The following GLT6D1 variants were observed in gnomAD, a reference collection of about 807,000 sequenced individuals.
The protein encoded by GLT6D1 is putative glycosyltransferase 6 domain-containing protein 1.
Under a neutral mutation model 12.3 loss-of-function variants are expected in GLT6D1, and 9 were observed. The ratio of observed to expected loss-of-function variants is 0.73; its 90% confidence interval spans 0.44 to 1.27. GLT6D1 has a LOEUF of 1.27. Among genes scored for constraint, GLT6D1 ranks in the 50% most tolerant of loss-of-function variants. The pLI is 0.00. For missense variants in GLT6D1, 335 were observed against 346.2 expected, an observed-to-expected ratio of 0.97 and a Z score of 0.26; for synonymous variants, 128 against 132.3, an observed-to-expected ratio of 0.97 and a Z score of 0.23.
intron 2 of GLT6D1, among the ~76,000 whole-genome samples, chr9:135,636,097 G>A (rs1030127111): frequency 6.6e-6 from 1 of 152,136 alleles, no homozygotes; most frequent in South Asian, 2.1e-4. Context: ...GCTCACACCT[G>A]TAATCCCAGA....
chr9:135,636,966 C>T (rs1040042515), intron 2 of GLT6D1, among the ~76,000 whole-genome samples: 1 of 152,094 alleles, frequency 6.6e-6, no homozygotes, highest in Non-Finnish European at 1.5e-5. Flanking sequence ...GATTCATCTG[C>T]CTCAGCCTCC....
intron 2 of GLT6D1, among the ~76,000 whole-genome samples, chr9:135,632,728 C>T (rs899264283): frequency 3.3e-5 from 5 of 149,900 alleles, no homozygotes; most frequent in Admixed American, 1.3e-4. Flanking sequence ...AGTGCAGTGG[C>T]GCAATCTCAG....
At chr9:135,632,210 G>A (rs2119142925) in intron 2 of GLT6D1, among the ~76,000 whole-genome samples, 1 of 149,022 alleles carries the variant, frequency 6.7e-6, no homozygotes, top group Admixed American at 6.7e-5. Context: ...ACAATTCACT[G>A]CAGTCTCAAC....
At position 135,623,795 on chromosome 9, in the gene GLT6D1, A is replaced by G; in HGVS notation, c.*302T>C. 1 of 263,650 alleles carries G rather than the reference A, an allele frequency of 3.8e-6. No individual in the cohort carries two copies. Among genetic ancestry groups the G allele is most frequent in the Non-Finnish European group, 7.2e-6 (1 of 139,428 alleles). The allele number at this position is 263,650 out of a possible 1,614,324, so 16.3% of individuals were successfully genotyped here. The stretch of plus-strand genomic sequence containing the variant: ...TTGTCTACAATACATAGATAATAAC[A>G]TTACTGTGTATTAACATTAAGTAAT... On this transcript the variant is annotated 3_prime_UTR_variant, in exon 5 of 5. Transcript: ENST00000371763.
Position 135,624,247 on chromosome 9 carries a change from A to G in GLT6D1, c.681T>C (p.Tyr227=), listed in dbSNP as rs747558905. Reference sequence around the variant, plus strand: ...GTGTGCCACCAACCATCAAGTTGCCATAATAGAAATCTCCCTGTCCAAACG... The same window carrying G: ...GTGTGCCACCAACCATCAAGTTGCCGTAATAGAAATCTCCCTGTCCAAACG... ...CIPFGQGDFY[Y]GNLMVGGTPH... Residue 227 remains tyrosine (Y), a synonymous_variant, in exon 5 of 5, where the codon TAT becomes TAC. Transcript: ENST00000371763. 14 of 1,605,666 alleles carry G rather than the reference A, an allele frequency of 8.7e-6. No homozygotes were observed. The highest frequency in any genetic ancestry group is 1.2e-5 in the Non-Finnish European group (14 of 1,176,726).
In GLT6D1 at chr9:135,635,904, G is replaced by A. The variant is rs553911067; in HGVS notation, c.71+3213C>T. 2.0e-5 allele frequency among the ~76,000 whole-genome samples: 3 copies of A among 152,272 alleles called. No individual in the cohort carries two copies. The South Asian group carries it at 6.2e-4, about 32-fold the overall frequency. The stretch of plus-strand genomic sequence containing the variant: ...AGTTCCCTCCAACAGCAAGAAACTT[G>A]CTCCCCCATGCCTCATCCATTTATT... On this transcript the variant is annotated intron_variant, in intron 2 of 4. Coordinates refer to ENST00000371763, the MANE Select transcript of GLT6D1 (RefSeq NM_182974.3).
intron 2 of GLT6D1, among the ~76,000 whole-genome samples, chr9:135,635,344 G>A (rs568107431): frequency 1.3e-5 from 2 of 152,266 alleles, no homozygotes; most frequent in South Asian, 2.1e-4. Context: ...CATCCCTCCT[G>A]GCACTATGAG....
upstream of GLT6D1, among the ~76,000 whole-genome samples, chr9:135,640,689 C>T (rs1833874755): frequency 6.6e-6 from 1 of 151,594 alleles, no homozygotes; most frequent in Non-Finnish European, 1.5e-5. Context: ...CACTGCACTC[C>T]AGCCTGGGTG....
Position 135,624,066 on chromosome 9 carries a change from C to G in GLT6D1, c.*31G>C, listed in dbSNP as rs549722883. On this transcript the variant is annotated 3_prime_UTR_variant, in exon 5 of 5. Transcript: ENST00000371763. ...TGGATCTGTGGAGGAGGAGAAAATG[C>G]AAGATCCCAGCTGTATGCTGGTGAT... 128 of 1,431,450 alleles carry G rather than the reference C, an allele frequency of 8.9e-5. No individual in the cohort carries two copies. The South Asian group carries it at 1.1e-3, about 13-fold the overall frequency. The allele number at this position is 1,431,450 out of a possible 1,614,324, so 88.7% of individuals were successfully genotyped here.
chr9:135,633,001 C>A (rs1833683721), intron 2 of GLT6D1, among the ~76,000 whole-genome samples: 1 of 152,118 alleles, frequency 6.6e-6, no homozygotes, highest in African/African-American at 2.4e-5. Context: ...CCCCCAAATC[C>A]TCAAGCTCAC....
intron 2 of GLT6D1, among the ~76,000 whole-genome samples, chr9:135,634,670 A>T (rs1833729467): frequency 6.6e-6 from 1 of 151,490 alleles, no homozygotes; most frequent in African/African-American, 2.4e-5. Context: ...TGTTAACGAG[A>T]GTCCATACTT....
chr9:135,625,922 C>G, intron 4 of GLT6D1, 147 bp downstream of exon 4: 1 of 842,132 alleles, frequency 1.2e-6, no homozygotes, highest in Non-Finnish European at 1.8e-6. Context: ...TGGGTTTGGA[C>G]AGGTAAGTTT....
chr9:135,624,928 G>A (rs141866218), intron 4 of GLT6D1, among the ~76,000 whole-genome samples: 1 of 143,834 alleles, frequency 7.0e-6, no homozygotes, highest in African/African-American at 2.6e-5. Context: ...ATTTTCAGTA[G>A]AGATGGTATT....
At chr9:135,626,747 C>T (rs1296045140) in intron 3 of GLT6D1, among the ~76,000 whole-genome samples, 1 of 152,098 alleles carries the variant, frequency 6.6e-6, no homozygotes, top group African/African-American at 2.4e-5. Context: ...GCTTTAGGCC[C>T]ACCAGTGCAA....
At chr9:135,628,203 C>G (rs1833560426) in intron 3 of GLT6D1, among the ~76,000 whole-genome samples, 1 of 151,970 alleles carries the variant, frequency 6.6e-6, no homozygotes, top group Non-Finnish European at 1.5e-5. Context: ...TCCACTTTAC[C>G]TATTTTTTAT....
At chr9:135,640,584 G>A (rs1833872995), upstream of GLT6D1, among the ~76,000 whole-genome samples, 1 of 152,062 alleles carries the variant, frequency 6.6e-6, no homozygotes, top group African/African-American at 2.4e-5. Context: ...GCCAGGTGTG[G>A]TGGCTCACGC....
chr9:135,633,963 A>G (rs180783041), intron 2 of GLT6D1, among the ~76,000 whole-genome samples: 109 of 152,310 alleles, frequency 7.2e-4, no homozygotes, highest in African/African-American at 2.6e-3. Context: ...GCCATGGATT[A>G]GCGTATGGGT....
At chr9:135,633,361 T>A (rs1270907190) in intron 2 of GLT6D1, among the ~76,000 whole-genome samples, 2 of 152,204 alleles carry the variant, frequency 1.3e-5, no homozygotes, top group Non-Finnish European at 2.9e-5. Flanking sequence ...GCAATTCTCC[T>A]GCTTCAGCCT....
chr9:135,634,442 C>CTTTTTTTTTTTTTTTTTTTTTTTTTTTT (rs370291630), intron 2 of GLT6D1, among the ~76,000 whole-genome samples: 2 of 54,862 alleles, frequency 3.6e-5, no homozygotes, highest in Admixed American at 2.7e-4. Context: ...TTTTCCTTTC[C>CTTTTTTTTTTTTTTTTTTTTTTTTTTTT]TTTTTTTTTT....
Sources: gnomAD v4.1 joint callset for allele counts (sites outside exome capture counted in the v4.1 genomes callset) on GRCh38, gnomAD v4.1.1 for gene constraint, MANE v1.5 for transcripts, NCBI Gene and HGNC (gene_info 2026-07-23, HGNC 2026-07-21) for gene names.